RABGGTB: variants seen among roughly 807,000 people sequenced by gnomAD.
RABGGTB encodes geranylgeranyl transferase type-2 subunit beta.
A neutral mutation model predicts 44.5 loss-of-function variants in RABGGTB; 20 were observed. That is an observed-to-expected ratio of 0.45 (90% CI 0.32 to 0.65). The LOEUF (loss-of-function observed/expected upper bound fraction) is 0.65. Among genes scored for constraint, RABGGTB ranks in the 30% least tolerant of loss-of-function variants. The pLI is 0.05. For missense variants in RABGGTB, 302 were observed against 398.7 expected, an observed-to-expected ratio of 0.76 and a Z score of 2.06; for synonymous variants, 128 against 136.7, an observed-to-expected ratio of 0.94 and a Z score of 0.44.
intron 1 of RABGGTB, chr1:75,787,038 G>A (rs1394622929): frequency 3.9e-6 from 2 of 512,738 alleles, no homozygotes; most frequent in Non-Finnish European, 7.8e-6. Context: ...TGAATGAAAA[G>A]TGAACAACAA....
At chr1:75,793,972 G>C in intron 7 of RABGGTB, 112 bp from the exon 8 acceptor site, 1 of 1,118,228 alleles carries the variant, frequency 8.9e-7, no homozygotes, top group Non-Finnish European at 1.2e-6. Flanking sequence ...CACATGGTTT[G>C]ACACTTTGAA....
chr1:75,792,201 T>C lies in RABGGTB; in HGVS notation c.600T>C (p.Phe200=). The C allele has an allele frequency of 6.2e-7, 1 of 1,610,134 alleles. No homozygotes were observed. Among genetic ancestry groups the C allele is most frequent in the Non-Finnish European group, 8.5e-7 (1 of 1,176,364 alleles). Residue 200 remains phenylalanine, a synonymous_variant, in exon 7 of 9, where the codon TTT becomes TTC. Coordinates refer to ENST00000319942, the MANE Select transcript of RABGGTB (RefSeq NM_004582.4). Reference sequence around the variant, plus strand: ...TTTAGATCTATTGTTGCACAGGATTTCTGGCAATTACAAGTCAGTTGCATC... The same window carrying C: ...TTTAGATCTATTGTTGCACAGGATTCCTGGCAATTACAAGTCAGTTGCATC... ...HAGQIYCCTG[F]LAITSQLHQV... is the part of the protein sequence containing the mutation.
At chr1:75,787,271 A>G (rs1489184355) in intron 1 of RABGGTB, 2 of 628,786 alleles carry the variant, frequency 3.2e-6, no homozygotes, top group Non-Finnish European at 5.8e-6. Context: ...CCGGTCGCCC[A>G]GGATGGAGTG....
At chr1:75,786,346 G>A in intron 1 of RABGGTB, 72 bp downstream of exon 1, 1 of 1,580,938 alleles carries the variant, frequency 6.3e-7, no homozygotes, top group Non-Finnish European at 8.7e-7. Context: ...TAAGCACACT[G>A]GTCACCTTAG....
At chr1:75,793,808 A>G (rs2100490708) in intron 7 of RABGGTB, 1 of 311,438 alleles carries the variant, frequency 3.2e-6, no homozygotes, top group Non-Finnish European at 5.8e-6. Context: ...ATAGAAACAA[A>G]GCAGATGCAT....
intron 2 of RABGGTB, 61 bp downstream of exon 2, chr1:75,787,665 G>A (rs1649533093): frequency 5.2e-6 from 7 of 1,334,972 alleles, no homozygotes. Flanking sequence ...GTCATAAGCA[G>A]TGAGACAGTA....
intron 1 of RABGGTB, among the ~76,000 whole-genome samples, chr1:75,786,504 T>A (rs1338409228): frequency 6.6e-6 from 1 of 152,084 alleles, no homozygotes; most frequent in Non-Finnish European, 1.5e-5. Context: ...GAGGGCCTGT[T>A]AAGAGTTGAG....
Position 75,791,267 on chromosome 1 carries a change from G to T in RABGGTB, c.416-18G>T, listed in dbSNP as rs147190414. The T allele has an allele frequency of 7.5e-6, 12 of 1,598,892 alleles. 1 individual carries two copies. The African/African-American group carries it at 9.4e-5, about 12-fold the overall frequency. On this transcript the variant is annotated intron_variant, in intron 4 of 8. Coordinates refer to ENST00000319942, the MANE Select transcript of RABGGTB (RefSeq NM_004582.4). ...GATTTGGTAACACCTGCCTTGATTT[G>T]ATCTATTTTTATTGTAGGAGAAATT...
intron 1 of RABGGTB, 57 bp downstream of exon 1, chr1:75,786,331 A>G: frequency 3.1e-6 from 5 of 1,601,358 alleles, no homozygotes; most frequent in Non-Finnish European, 4.3e-6. Context: ...AGGGTGGAGT[A>G]GGGTTAAGCA....
intron 1 of RABGGTB, chr1:75,786,695 T>C: frequency 3.6e-6 from 1 of 277,152 alleles, no homozygotes. Flanking sequence ...CATGACCTGT[T>C]ATAGTGACTG....
intron 7 of RABGGTB, among the ~76,000 whole-genome samples, chr1:75,793,157 A>C (rs1649688108): frequency 6.6e-6 from 1 of 151,800 alleles, no homozygotes; most frequent in Non-Finnish European, 1.5e-5. Flanking sequence ...CTATTCCTAC[A>C]CTATAGATTT....
chr1:75,786,421 A>G, intron 1 of RABGGTB, 147 bp downstream of exon 1: 1 of 1,183,596 alleles, frequency 8.4e-7, no homozygotes, highest in Non-Finnish European at 1.2e-6. Flanking sequence ...TGAGTGTGAA[A>G]TATTACTCAG....
chr1:75,791,372 T>G (rs1233179067), intron 5 of RABGGTB, 35 bp downstream of exon 5: 2 of 1,596,292 alleles, frequency 1.3e-6, no homozygotes, highest in Admixed American at 3.4e-5. Flanking sequence ...ATGATTAAAG[T>G]TCATGAATAC....
intron 7 of RABGGTB, among the ~76,000 whole-genome samples, chr1:75,792,596 C>T (rs1279704579): frequency 6.6e-6 from 1 of 152,120 alleles, no homozygotes; most frequent in East Asian, 1.9e-4. Context: ...AATTAGACTA[C>T]AGAATTTTTG....
intron 2 of RABGGTB, 59 bp from the exon 3 acceptor site, chr1:75,789,100 C>T (rs1251448866): frequency 6.7e-7 from 1 of 1,490,656 alleles, no homozygotes; most frequent in Non-Finnish European, 9.3e-7. Context: ...TGTGTTTAAT[C>T]TCTTTATAAC....
intron 1 of RABGGTB, among the ~76,000 whole-genome samples, chr1:75,786,479 G>A (rs529623733): frequency 2.0e-5 from 3 of 152,226 alleles, no homozygotes; most frequent in African/African-American, 7.2e-5. Context: ...TTTTATCCAG[G>A]CCTTCTTCTG....
At chr1:75,791,432 T>A in intron 5 of RABGGTB, 29 bp from the exon 6 acceptor site, 1 of 1,590,162 alleles carries the variant, frequency 6.3e-7, no homozygotes, top group Non-Finnish European at 8.6e-7. Context: ...ACTCTGGAAT[T>A]TAACAGGCAT....
chr1:75,794,623 G>T lies in RABGGTB; in HGVS notation c.969G>T (p.Val323=). 1.9e-6 allele frequency: 3 copies of T among 1,611,532 alleles called. No individual in the cohort carries two copies. Among genetic ancestry groups the T allele is most frequent in the Non-Finnish European group, 2.5e-6 (3 of 1,178,498 alleles). ...TGCCTGAAGAAGTGCTTCAGAGAGTGAATGTTCAGCCTGAGCTAGTGAGCT... is the reference window on the plus strand; with the variant it reads ...TGCCTGAAGAAGTGCTTCAGAGAGTTAATGTTCAGCCTGAGCTAGTGAGCT... ...FCMPEEVLQR[V]NVQPELVS The change falls in exon 9 of 9, where the codon GTG becomes GTT. Residue 323 remains valine, a synonymous_variant. Coordinates refer to ENST00000319942, the MANE Select transcript of RABGGTB (RefSeq NM_004582.4).
rs201344239 is a variant in RABGGTB at position 75,786,262 on chromosome 1, C to G, written c.-10C>G. The G allele has an allele frequency of 1.9e-6, 3 of 1,614,202 alleles. No homozygotes were observed. Among genetic ancestry groups the G allele is most frequent in the East Asian group, 2.2e-5 (1 of 44,866 alleles). Reference sequence around the variant, plus strand: ...GGAACTGACCCTGCTCTCTCCTTTCCCTGTTAGACATGGTAAGTGTGAGTT... The same window carrying G: ...GGAACTGACCCTGCTCTCTCCTTTCGCTGTTAGACATGGTAAGTGTGAGTT... On this transcript the variant is annotated 5_prime_UTR_variant, in exon 1 of 9. Coordinates refer to ENST00000319942, the MANE Select transcript of RABGGTB (RefSeq NM_004582.4).
Sources: gnomAD v4.1 joint callset for allele counts (sites outside exome capture counted in the v4.1 genomes callset) on GRCh38, gnomAD v4.1.1 for gene constraint, MANE v1.5 for transcripts, NCBI Gene and HGNC (gene_info 2026-07-23, HGNC 2026-07-21) for gene names.